The following AFG2A variants were observed in gnomAD, a reference collection of about 807,000 sequenced individuals.
AFG2A encodes AAA ATPase AFG2A.
At chr4:123,051,266 T>G in the AFG2A span, among the ~76,000 whole-genome samples, 1 of 151,902 alleles carries the variant, frequency 6.6e-6, no homozygotes, top group Non-Finnish European at 1.5e-5. Context: ...GTATATATTA[T>G]AGTTTTTAGC....
the AFG2A span, among the ~76,000 whole-genome samples, chr4:122,928,000 G>A: frequency 6.6e-6 from 1 of 152,182 alleles, no homozygotes; most frequent in African/African-American, 2.4e-5. Context: ...CTGTGTTTGA[G>A]ATGTTTCTGA....
At chr4:123,233,313 C>T in the AFG2A span, among the ~76,000 whole-genome samples, 1 of 151,646 alleles carries the variant, frequency 6.6e-6, no homozygotes, top group Admixed American at 6.6e-5. Context: ...ACTCCTATCC[C>T]GCACCCTCAG....
chr4:123,175,665 C>G, the AFG2A span, among the ~76,000 whole-genome samples: 1 of 152,146 alleles, frequency 6.6e-6, no homozygotes, highest in African/African-American at 2.4e-5. Flanking sequence ...AAACACATTT[C>G]AGCTTGATAA....
the AFG2A span, among the ~76,000 whole-genome samples, chr4:123,011,631 A>G: frequency 2.6e-5 from 4 of 152,304 alleles, no homozygotes; most frequent in East Asian, 7.7e-4. Context: ...TTTTCTGGCT[A>G]TTTGGAACCA....
chr4:123,270,533 T>G, the AFG2A span, among the ~76,000 whole-genome samples: 1 of 152,182 alleles, frequency 6.6e-6, no homozygotes, highest in Non-Finnish European at 1.5e-5. Context: ...ATCAAGGAAT[T>G]TAGGTGCATG....
At chr4:123,122,470 ATACTG>A in the AFG2A span, among the ~76,000 whole-genome samples, 1 of 152,224 alleles carries the variant, frequency 6.6e-6, no homozygotes, top group African/African-American at 2.4e-5. Flanking sequence ...AATTAATTGA[ATACTG>A]TACTGAAAGT....
chr4:123,237,537 G>A, the AFG2A span, among the ~76,000 whole-genome samples: 1 of 152,008 alleles, frequency 6.6e-6, no homozygotes, highest in Non-Finnish European at 1.5e-5. Flanking sequence ...GCCAGGTGTG[G>A]TGGTGCCTGC....
the AFG2A span, among the ~76,000 whole-genome samples, chr4:123,122,088 A>G: frequency 6.6e-6 from 1 of 152,076 alleles, no homozygotes; most frequent in Non-Finnish European, 1.5e-5. Flanking sequence ...TCACCGATTT[A>G]CACATATCAC....
the AFG2A span, among the ~76,000 whole-genome samples, chr4:123,296,945 C>A: frequency 6.6e-6 from 1 of 152,184 alleles, no homozygotes; most frequent in Non-Finnish European, 1.5e-5. Flanking sequence ...AGTCAAAGTT[C>A]TCTAGGCTTG....
the AFG2A span, among the ~76,000 whole-genome samples, chr4:122,941,477 T>G: frequency 2.0e-5 from 3 of 152,280 alleles, no homozygotes; most frequent in Admixed American, 2.0e-4. Context: ...TTTTGTACAT[T>G]GATTTTGTAT....
chr4:123,275,622 A>T, the AFG2A span, among the ~76,000 whole-genome samples: 2 of 151,972 alleles, frequency 1.3e-5, no homozygotes, highest in South Asian at 4.2e-4. Context: ...TCTGATAGGT[A>T]TTTTTTCTGA....
At chr4:123,222,518 T>A in the AFG2A span, among the ~76,000 whole-genome samples, 1 of 152,180 alleles carries the variant, frequency 6.6e-6, no homozygotes, top group Non-Finnish European at 1.5e-5. Context: ...GAGGAAAATT[T>A]TTTTAGTTAT....
chr4:123,309,193 T>A, the AFG2A span, among the ~76,000 whole-genome samples: 1 of 152,176 alleles, frequency 6.6e-6, no homozygotes, highest in African/African-American at 2.4e-5. Context: ...AAACAACGAG[T>A]GTCGTAGTCC....
chr4:123,220,403 A>G, the AFG2A span, among the ~76,000 whole-genome samples: 1 of 151,702 alleles, frequency 6.6e-6, no homozygotes, highest in African/African-American at 2.4e-5. Flanking sequence ...CAAGATCAGG[A>G]GTTCCAGACC....
the AFG2A span, among the ~76,000 whole-genome samples, chr4:123,282,022 A>G: frequency 1.3e-5 from 2 of 152,140 alleles, no homozygotes; most frequent in Non-Finnish European, 2.9e-5. Flanking sequence ...ACATCTCACT[A>G]TATACTTGAC....
At chr4:122,948,433 C>CACAG in the AFG2A span, among the ~76,000 whole-genome samples, 1 of 147,860 alleles carries the variant, frequency 6.8e-6, no homozygotes, top group Non-Finnish European at 1.5e-5. Context: ...CACACACACA[C>CACAG]GGACATGTAA....
At chr4:123,302,467 A>G in the AFG2A span, among the ~76,000 whole-genome samples, 2 of 152,138 alleles carry the variant, frequency 1.3e-5, no homozygotes, top group Non-Finnish European at 2.9e-5. Context: ...TATCTTGACT[A>G]TAATTGTCCC....
chr4:123,274,831 A>AT, the AFG2A span, among the ~76,000 whole-genome samples: 1 of 152,130 alleles, frequency 6.6e-6, no homozygotes, highest in Non-Finnish European at 1.5e-5. Context: ...TGATCTGAAA[A>AT]TGTTTTGGCC....
chr4:123,297,518 G>A, the AFG2A span, among the ~76,000 whole-genome samples: 19 of 152,242 alleles, frequency 1.2e-4, 1 homozygote, highest in South Asian at 8.3e-4. Flanking sequence ...TCAGGAGATC[G>A]AGACCATCCT....
Sources: gnomAD v4.1 joint callset for allele counts (sites outside exome capture counted in the v4.1 genomes callset) on GRCh38, gnomAD v4.1.1 for gene constraint, MANE v1.5 for transcripts, NCBI Gene and HGNC (gene_info 2026-07-23, HGNC 2026-07-21) for gene names.